Variants in HPSE2 observed in about 807,000 individuals in gnomAD.
The protein encoded by HPSE2 is inactive heparanase-2.
In HPSE2, 38 loss-of-function variants were observed where a neutral mutation model predicts 60.5. The ratio of observed to expected loss-of-function variants is 0.63; its 90% CI spans 0.48 to 0.82. The LOEUF (loss-of-function observed/expected upper bound fraction) is 0.82, where lower values mean the gene tolerates loss of function less well. Among genes scored for constraint, HPSE2 ranks in the 40% least tolerant of loss-of-function variants. The pLI is 0.00. For missense variants in HPSE2, 713 were observed against 740.4 expected, an observed-to-expected ratio of 0.96 and a Z score of 0.43; for synonymous variants, 295 against 293.2, an observed-to-expected ratio of 1.01 and a Z score of -0.06.
At chr10:99,141,045 A>T (rs1845848899) in intron 3 of HPSE2, among the ~76,000 whole-genome samples, 1 of 152,218 alleles carries the variant, frequency 6.6e-6, no homozygotes. Flanking sequence ...TCAGAAAAAA[A>T]GTAGTCTTCT....
intron 3 of HPSE2, among the ~76,000 whole-genome samples, chr10:99,043,844 A>C (rs1000989377): frequency 6.6e-6 from 1 of 152,186 alleles, no homozygotes; most frequent in African/African-American, 2.4e-5. Flanking sequence ...AAAATAAAAA[A>C]AACTCCAAGA....
At chr10:99,074,494 T>C (rs899992141) in intron 3 of HPSE2, among the ~76,000 whole-genome samples, 1 of 152,122 alleles carries the variant, frequency 6.6e-6, no homozygotes, top group African/African-American at 2.4e-5. Flanking sequence ...TATGTTTATC[T>C]GGGATATTGG....
intron 3 of HPSE2, among the ~76,000 whole-genome samples, chr10:98,944,647 G>T (rs922923734): frequency 3.3e-5 from 5 of 151,972 alleles, no homozygotes; most frequent in African/African-American, 1.2e-4. Context: ...AGGGGAGAAG[G>T]GATTAGAAAG....
At chr10:99,283,627 A>G in the HPSE2 span, among the ~76,000 whole-genome samples, 1 of 152,170 alleles carries the variant, frequency 6.6e-6, no homozygotes, top group South Asian at 2.1e-4. Context: ...AGATAAAAAA[A>G]GAGAGAAGAC....
At chr10:98,932,732 C>T (rs1392703567) in intron 3 of HPSE2, among the ~76,000 whole-genome samples, 1 of 142,646 alleles carries the variant, frequency 7.0e-6, no homozygotes, top group Non-Finnish European at 1.5e-5. Flanking sequence ...GGAATTTATG[C>T]ATTTCTTCTA....
At chr10:98,772,350 C>T (rs72836723) in intron 3 of HPSE2, among the ~76,000 whole-genome samples, 2,286 of 152,224 alleles carry the variant, frequency 0.015, 31 homozygotes, top group African/African-American at 0.03. Context: ...AGGATGGTTG[C>T]CCCAATCAAG....
At chr10:98,960,735 A>ATTTTTTTTTTTTTTTTTTTTTTT (rs1192601127) in intron 3 of HPSE2, among the ~76,000 whole-genome samples, 1 of 48,382 alleles carries the variant, frequency 2.1e-5, no homozygotes. Flanking sequence ...TATTTTTTTT[A>ATTTTTTTTTTTTTTTTTTTTTTT]TTTTATTTTT....
chr10:98,895,867 T>C (rs1168639694), intron 3 of HPSE2, among the ~76,000 whole-genome samples: 7 of 137,974 alleles, frequency 5.1e-5, no homozygotes, highest in Non-Finnish European at 1.1e-4. Context: ...TTCTCACTCA[T>C]AGATGGGAAT....
rs897213709 is a variant in HPSE2, at chr10:98,781,290, T to C, written c.611-37234A>G. Among the ~76,000 whole-genome samples, 6 of 111,046 alleles carry C rather than the reference T, an allele frequency of 5.4e-5. 1 individual carries two copies. The highest frequency in any genetic ancestry group is 3.1e-4 in the South Asian group (1 of 3,266). The allele number at this position is 111,046 out of a possible 152,430, so 72.9% of individuals were successfully genotyped here. On this transcript the variant is annotated intron_variant, in intron 3 of 11. Transcript: ENST00000370552. ...AAAAACACCCATATATCCACTTCTT[T>C]TTTTTTTTTTTTTTTTATTTTTAAA...
chr10:98,873,007 GA>G (rs1447920225), intron 3 of HPSE2, among the ~76,000 whole-genome samples: 1 of 152,080 alleles, frequency 6.6e-6, no homozygotes, highest in Non-Finnish European at 1.5e-5. Flanking sequence ...AGAAGGTGAA[GA>G]AGAGAAGGCT....
chr10:99,009,131 C>T (rs961562755), intron 3 of HPSE2, among the ~76,000 whole-genome samples: 1 of 148,998 alleles, frequency 6.7e-6, no homozygotes, highest in Admixed American at 6.8e-5. Flanking sequence ...TGAGGCCAGA[C>T]ACAGTGGCTC....
At chr10:98,467,709 C>T (rs1434909742) in intron 11 of HPSE2, among the ~76,000 whole-genome samples, 18 of 152,252 alleles carry the variant, frequency 1.2e-4, no homozygotes, top group Non-Finnish European at 1.3e-4. Flanking sequence ...CCTCCAAATC[C>T]CGCACTCCAG....
At chr10:98,589,973 C>A (rs1207675816) in intron 9 of HPSE2, among the ~76,000 whole-genome samples, 1 of 152,198 alleles carries the variant, frequency 6.6e-6, no homozygotes, top group East Asian at 1.9e-4. Flanking sequence ...TTTTCCCTAC[C>A]TTATCTCCCT....
intron 3 of HPSE2, among the ~76,000 whole-genome samples, chr10:98,789,257 G>A (rs1327763540): frequency 6.6e-6 from 1 of 152,178 alleles, no homozygotes; most frequent in Non-Finnish European, 1.5e-5. Context: ...GTACTACGGG[G>A]AACTGTGAAT....
intron 9 of HPSE2, among the ~76,000 whole-genome samples, chr10:98,598,679 A>G (rs1380359791): frequency 2.6e-5 from 4 of 151,952 alleles, no homozygotes; most frequent in African/African-American, 9.7e-5. Flanking sequence ...CTGTGGAGGC[A>G]GACCTGGGTC....
chr10:98,886,509 C>T (rs1953169704), intron 3 of HPSE2, among the ~76,000 whole-genome samples: 1 of 152,016 alleles, frequency 6.6e-6, no homozygotes, highest in African/African-American at 2.4e-5. Context: ...GAGATACATG[C>T]TAATGACTCA....
chr10:99,136,206 G>GA (rs1845644424), intron 3 of HPSE2, among the ~76,000 whole-genome samples: 1 of 152,086 alleles, frequency 6.6e-6, no homozygotes, highest in African/African-American at 2.4e-5. Flanking sequence ...TCGAATCTCT[G>GA]AAAAAACCAA....
intron 9 of HPSE2, among the ~76,000 whole-genome samples, chr10:98,575,286 A>T (rs898097487): frequency 6.6e-6 from 1 of 152,198 alleles, no homozygotes. Context: ...GGATTGGAAT[A>T]CAGGTACCCA....
At chr10:98,661,304 T>C (rs987264214) in intron 6 of HPSE2, among the ~76,000 whole-genome samples, 1 of 152,272 alleles carries the variant, frequency 6.6e-6, no homozygotes, top group African/African-American at 2.4e-5. Context: ...GGTTTCCAAA[T>C]CTCTGTTGCA....
Sources: gnomAD v4.1 joint callset for allele counts (sites outside exome capture counted in the v4.1 genomes callset) on GRCh38, gnomAD v4.1.1 for gene constraint, MANE v1.5 for transcripts, NCBI Gene and HGNC (gene_info 2026-07-23, HGNC 2026-07-21) for gene names.